The following RETREG1 variants were observed in gnomAD, a reference collection of about 807,000 sequenced individuals.
The protein encoded by RETREG1 is family with sequence similarity 134 member B.
RETREG1 carries 44 observed loss-of-function variants against 54.8 expected under a neutral mutation model. The ratio of observed to expected loss-of-function variants is 0.80; its 90% CI spans 0.63 to 1.03. RETREG1 has a LOEUF of 1.03. Among genes scored for constraint, RETREG1 ranks in the 50% least tolerant of loss-of-function variants. RETREG1 has a pLI of 0.00. For synonymous variants in RETREG1, 217 were observed against 238.5 expected, an observed-to-expected ratio of 0.91 and a Z score of 0.83; for missense variants, 554 against 605.1, an observed-to-expected ratio of 0.92 and a Z score of 0.89.
rs11303408 is a variant in RETREG1, at chr5:16,573,180, CAAAAAAAAAAAAAA to C, written c.321-1092_321-1079del. 3.5e-4 allele frequency among the ~76,000 whole-genome samples: 16 copies of C among 45,148 alleles called. No individual in the cohort carries two copies. In the East Asian group the frequency reaches 6.7e-3, roughly 19 times the overall value. The allele number at this position is 45,148 out of a possible 152,430, so 29.6% of individuals were successfully genotyped here. ...CTGGTGAGAGAGTGAGATTCTGTCT[CAAAAAAAAAAAAAA>C]AAAAAAAAAAAAAAAGCAGTTATTG... is the stretch of plus-strand genomic sequence containing the variant. On this transcript the variant is annotated intron_variant, in intron 1 of 8. Coordinates refer to ENST00000306320, the MANE Select transcript of RETREG1 (RefSeq NM_001034850.3).
intron 1 of RETREG1, among the ~76,000 whole-genome samples, chr5:16,573,180 CAAAAAAAAAAAAAAAAAA>C (rs11303408): frequency 6.6e-5 from 3 of 45,146 alleles, no homozygotes; most frequent in South Asian, 2.0e-3. Flanking sequence ...GATTCTGTCT[CAAAAAAAAAAAAAAAAAA>C]AAAAAAAAAA....
chr5:16,479,846 T>C (rs1483528802), intron 5 of RETREG1, among the ~76,000 whole-genome samples: 1 of 152,052 alleles, frequency 6.6e-6, no homozygotes, highest in Non-Finnish European at 1.5e-5. Context: ...TAAAGTCCAT[T>C]GTAAGAAAAA....
rs1020726071 is a variant in RETREG1, at chr5:16,530,866, A to C, written c.458+34897T>G. Among the ~76,000 whole-genome samples, 14 of 152,320 alleles carry C rather than the reference A, an allele frequency of 9.2e-5. 1 individual carries two copies. The East Asian group carries it at 1.7e-3, about 19-fold the overall frequency. ...GACAAAGCAAGACTCCGTCTCAAAA[A>C]AAAAAAAACTCCAAAATAAGATTTA... On this transcript the variant is annotated intron_variant, in intron 3 of 8. Transcript: ENST00000306320.
At position 16,566,520 on chromosome 5, in the gene RETREG1, A is replaced by C. The variant is rs28525155; in HGVS notation, c.428-727T>G. On this transcript the variant is annotated intron_variant, in intron 2 of 8. Coordinates refer to ENST00000306320, the MANE Select transcript of RETREG1 (RefSeq NM_001034850.3). ...TCAATGTAAGAAATGATCATGAGGA[A>C]GCTTCCGCATTTTCCATCTAACAAA... Among the ~76,000 whole-genome samples, 538 of 152,352 alleles carry C rather than the reference A, an allele frequency of 3.5e-3. 7 individuals carry two copies. Among genetic ancestry groups the C allele is most frequent in the African/African-American group, 0.012 (507 of 41,586 alleles).
intron 5 of RETREG1, 50 bp downstream of exon 5, chr5:16,480,959 G>A (rs750891151): frequency 7.9e-7 from 1 of 1,258,470 alleles, no homozygotes; most frequent in South Asian, 1.2e-5. Flanking sequence ...TGACCGTAAG[G>A]TGATACCATA....
chr5:16,539,646 CA>C (rs1168782166), intron 3 of RETREG1, among the ~76,000 whole-genome samples: 1 of 152,124 alleles, frequency 6.6e-6, no homozygotes, highest in Admixed American at 6.5e-5. Context: ...TCCAATCAAC[CA>C]CCAGGAAAGC....
Position 16,616,716 on chromosome 5 carries a change from G to T in RETREG1, c.256C>A (p.Leu86Met). The T allele has an allele frequency of 6.3e-7, 1 of 1,587,124 alleles. No individual in the cohort carries two copies. The highest frequency in any genetic ancestry group is 2.3e-5 in the East Asian group (1 of 43,848). The change falls in exon 1 of 9, where the codon CTG (leucine) becomes ATG (methionine). Residue 86 changes from leucine (L) to methionine (M), a missense_variant. By Grantham distance (15) the Leu-to-Met change is conservative. Transcript: ENST00000306320. Reference sequence around the variant, plus strand: ...CGCAGCGGCCTCTTCCAGCTCAGCAGCTCGTCGGCGCGGCAGCCCAGCCAC... The same window carrying T: ...CGCAGCGGCCTCTTCCAGCTCAGCATCTCGTCGGCGCGGCAGCCCAGCCAC... ...VLWLGCRADE[L>M]LSWKRPLRSL...
intron 3 of RETREG1, among the ~76,000 whole-genome samples, chr5:16,564,593 A>G (rs1466270976): frequency 6.6e-6 from 1 of 152,240 alleles, no homozygotes; most frequent in Admixed American, 6.5e-5. Flanking sequence ...CACAGATCAG[A>G]GCACAGGGCA....
At chr5:16,526,695 C>T (rs1740725587) in intron 3 of RETREG1, among the ~76,000 whole-genome samples, 1 of 152,136 alleles carries the variant, frequency 6.6e-6, no homozygotes, top group Non-Finnish European at 1.5e-5. Context: ...ATATCTTAAT[C>T]CATTATAATC....
In RETREG1 at chr5:16,473,993, T is replaced by A. The variant is rs538968028; in HGVS notation, c.*748A>T. 1 of 152,354 alleles carries A rather than the reference T, an allele frequency of 6.6e-6. No homozygotes were observed. Among genetic ancestry groups the A allele is most frequent in the Non-Finnish European group, 1.5e-5 (1 of 68,062 alleles). The allele number at this position is 152,354 out of a possible 1,614,324, so 9.4% of individuals were successfully genotyped here. A position where few individuals can be genotyped will look rare whatever the true frequency, so the allele number is the denominator to read the frequency against. ...TATGACGAATGAACAACAAAACAAC[T>A]GAATCTGTTTACATCATAACCATTG... On this transcript the variant is annotated 3_prime_UTR_variant, in exon 9 of 9. Transcript: ENST00000306320.
chr5:16,608,635 A>G (rs1579727842), intron 1 of RETREG1, among the ~76,000 whole-genome samples: 2 of 152,254 alleles, frequency 1.3e-5, no homozygotes, highest in East Asian at 3.9e-4. Flanking sequence ...ACCAGTGGGT[A>G]GGCTCTCTGA....
chr5:16,612,501 A>G (rs1016631388), intron 1 of RETREG1, among the ~76,000 whole-genome samples: 2 of 152,264 alleles, frequency 1.3e-5, no homozygotes, highest in East Asian at 3.8e-4. Flanking sequence ...CTGAACTGTA[A>G]GGCTATGTTA....
At chr5:16,549,490 T>TG (rs1741473925) in intron 3 of RETREG1, among the ~76,000 whole-genome samples, 1 of 152,208 alleles carries the variant, frequency 6.6e-6, no homozygotes, top group Admixed American at 6.5e-5. Flanking sequence ...AATAAAAACT[T>TG]GGGATAGTCC....
chr5:16,504,589 C>T (rs921044081), intron 3 of RETREG1, among the ~76,000 whole-genome samples: 1 of 152,112 alleles, frequency 6.6e-6, no homozygotes, highest in African/African-American at 2.4e-5. Flanking sequence ...GACCTTTCTG[C>T]GCCCACACTG....
intron 1 of RETREG1, among the ~76,000 whole-genome samples, chr5:16,574,107 A>T (rs1275060920): frequency 6.6e-6 from 1 of 152,152 alleles, no homozygotes; most frequent in Non-Finnish European, 1.5e-5. Context: ...AACTCAGATG[A>T]AAATAGAGGC....
At chr5:16,528,512 A>C (rs578191522) in intron 3 of RETREG1, among the ~76,000 whole-genome samples, 2 of 152,278 alleles carry the variant, frequency 1.3e-5, no homozygotes, top group East Asian at 3.9e-4. Context: ...CATGGAGGCC[A>C]GTCTCTTCAG....
At chr5:16,503,437 G>A (rs1021997881) in intron 3 of RETREG1, among the ~76,000 whole-genome samples, 4 of 152,096 alleles carry the variant, frequency 2.6e-5, no homozygotes, top group African/African-American at 9.7e-5. Flanking sequence ...GGGAGCCCGA[G>A]GCGGGTGGAT....
intron 3 of RETREG1, among the ~76,000 whole-genome samples, chr5:16,493,593 A>G (rs1739336360): frequency 6.6e-6 from 1 of 152,138 alleles, no homozygotes; most frequent in South Asian, 2.1e-4. Flanking sequence ...TCATTTAGAT[A>G]TAAGTCTTTT....
rs143133301 is a variant in RETREG1 at position 16,543,549 on chromosome 5, G to A, written c.458+22214C>T. 5.6e-3 allele frequency among the ~76,000 whole-genome samples: 850 copies of A among 152,024 alleles called. 4 individuals are homozygous for A. The highest frequency in any genetic ancestry group is 0.02 in the African/African-American group (811 of 41,450). The stretch of plus-strand genomic sequence containing the variant: ...AAATTAGCCGGGTATGGTGGTGCAC[G>A]CCTGTAATCCCAGCTACTTGGGAGA... On this transcript the variant is annotated intron_variant, in intron 3 of 8. Coordinates refer to ENST00000306320, the MANE Select transcript of RETREG1 (RefSeq NM_001034850.3).
Sources: gnomAD v4.1 joint callset for allele counts (sites outside exome capture counted in the v4.1 genomes callset) on GRCh38, gnomAD v4.1.1 for gene constraint, MANE v1.5 for transcripts, NCBI Gene and HGNC (gene_info 2026-07-23, HGNC 2026-07-21) for gene names.